The following AP3B1 variants were observed in gnomAD, a reference collection of about 807,000 sequenced individuals.
The protein encoded by AP3B1 is adaptor related protein complex 3 subunit beta 1.
In AP3B1, 61 loss-of-function variants were observed where a neutral mutation model predicts 132.5. That is an observed-to-expected ratio of 0.46 (90% CI 0.37 to 0.57). The LOEUF is 0.57. Ranked by LOEUF, AP3B1 falls within the 20% of genes least tolerant of loss-of-function variation. The probability of loss-of-function intolerance (pLI) is 0.00; values close to 1 mark genes in which losing one functional copy is unlikely to be tolerated. For missense variants in AP3B1, 1,120 were observed against 1,289.4 expected, an observed-to-expected ratio of 0.87 and a Z score of 2.01; for synonymous variants, 388 against 438.3, an observed-to-expected ratio of 0.89 and a Z score of 1.43.
intron 22 of AP3B1, among the ~76,000 whole-genome samples, chr5:78,085,037 C>T (rs751407439): frequency 8.7e-4 from 133 of 152,098 alleles, no homozygotes; most frequent in Non-Finnish European, 1.4e-3. Flanking sequence ...AACAACCATG[C>T]ACATAAATCT....
At chr5:78,237,133 A>G (rs1177398658) in intron 3 of AP3B1, among the ~76,000 whole-genome samples, 1 of 152,226 alleles carries the variant, frequency 6.6e-6, no homozygotes, top group Non-Finnish European at 1.5e-5. Context: ...AATTGAGTTT[A>G]TAAGAACTAT....
intron 3 of AP3B1, among the ~76,000 whole-genome samples, chr5:78,233,783 T>C (rs1458929475): frequency 6.6e-6 from 1 of 152,076 alleles, no homozygotes; most frequent in Non-Finnish European, 1.5e-5. Flanking sequence ...CTCAGAGGTT[T>C]ATATAACTTG....
chr5:78,036,596 C>A (rs1007249031), intron 23 of AP3B1, among the ~76,000 whole-genome samples: 2 of 151,904 alleles, frequency 1.3e-5, no homozygotes, highest in Non-Finnish European at 2.9e-5. Flanking sequence ...TTAAAAAAAA[C>A]CCTCTTATAT....
chr5:78,028,513 C>T (rs867219223), intron 24 of AP3B1, among the ~76,000 whole-genome samples: 14 of 152,068 alleles, frequency 9.2e-5, no homozygotes, highest in Middle Eastern at 6.8e-3. Flanking sequence ...ATGGCGTTTA[C>T]TTGCCTTTCT....
intron 24 of AP3B1, among the ~76,000 whole-genome samples, chr5:78,030,207 C>G (rs1239502988): frequency 6.6e-6 from 1 of 152,068 alleles, no homozygotes; most frequent in Non-Finnish European, 1.5e-5. Flanking sequence ...GTGCAATCAT[C>G]GCGCACTGCA....
intron 22 of AP3B1, among the ~76,000 whole-genome samples, chr5:78,056,710 C>A (rs1371878985): frequency 6.6e-6 from 1 of 152,130 alleles, no homozygotes; most frequent in Non-Finnish European, 1.5e-5. Context: ...CATTTAACAG[C>A]CTTTTAAAGA....
chr5:78,229,418 C>T (rs541477495), intron 3 of AP3B1, among the ~76,000 whole-genome samples: 6 of 152,180 alleles, frequency 3.9e-5, no homozygotes, highest in Middle Eastern at 3.4e-3. Context: ...TTCTAAGATA[C>T]CAACACAGTA....
At chr5:78,102,652 T>C (rs1269489868) in intron 20 of AP3B1, among the ~76,000 whole-genome samples, 1 of 152,016 alleles carries the variant, frequency 6.6e-6, no homozygotes, top group African/African-American at 2.4e-5. Flanking sequence ...AAAGAACATA[T>C]AACAAAAAGA....
chr5:78,201,596 C>G (rs1296570702), intron 7 of AP3B1, among the ~76,000 whole-genome samples: 1 of 152,152 alleles, frequency 6.6e-6, no homozygotes, highest in African/African-American at 2.4e-5. Flanking sequence ...TTATATTAAG[C>G]TCTACAACAA....
chr5:78,141,381 G>T, intron 14 of AP3B1, 62 bp from the exon 15 acceptor site: 1 of 1,386,572 alleles, frequency 7.2e-7, no homozygotes, highest in Non-Finnish European at 1.0e-6. Context: ...TATTAACATA[G>T]AAAAGGTTTT....
chr5:78,185,908 AAG>A (rs1340766233), intron 7 of AP3B1, among the ~76,000 whole-genome samples: 1 of 152,166 alleles, frequency 6.6e-6, no homozygotes, highest in East Asian at 1.9e-4. Context: ...TTAATAAAAA[AAG>A]AGATATATTC....
chr5:78,043,769 G>A, intron 22 of AP3B1: 1 of 381,208 alleles, frequency 2.6e-6, no homozygotes. Context: ...GCACCAAACT[G>A]CCCAATCATG....
chr5:78,242,030 T>A (rs1013428080), intron 2 of AP3B1, among the ~76,000 whole-genome samples: 1 of 152,172 alleles, frequency 6.6e-6, no homozygotes, highest in African/African-American at 2.4e-5. Flanking sequence ...AACTTTTCAG[T>A]CTCCTCTTCC....
At chr5:78,129,341 A>G (rs1561427733) in intron 15 of AP3B1, 34 bp from the exon 16 acceptor site, 2 of 1,503,036 alleles carry the variant, frequency 1.3e-6, no homozygotes, top group Admixed American at 3.3e-5. Context: ...ATGAGAATAC[A>G]GTTATTTATG....
intron 22 of AP3B1, chr5:78,043,045 T>C (rs975324128): frequency 6.4e-6 from 1 of 156,310 alleles, no homozygotes; most frequent in Non-Finnish European, 1.4e-5. Context: ...TTGTTGGTTT[T>C]CTTTTTCTTA....
chr5:78,227,615 T>A, intron 4 of AP3B1, 83 bp from the exon 5 acceptor site: 1 of 1,335,528 alleles, frequency 7.5e-7, no homozygotes, highest in Non-Finnish European at 1.1e-6. Context: ...TAATAGGTGC[T>A]TAAAGGGTGT....
At chr5:78,045,759 C>CA (rs1395714833) in intron 22 of AP3B1, among the ~76,000 whole-genome samples, 5 of 151,708 alleles carry the variant, frequency 3.3e-5, no homozygotes, top group African/African-American at 7.3e-5. Context: ...TTATTAGATG[C>CA]AAAAAAAGAT....
intron 22 of AP3B1, among the ~76,000 whole-genome samples, chr5:78,087,184 TATC>T (rs1453907966): frequency 2.0e-5 from 3 of 152,210 alleles, no homozygotes; most frequent in Non-Finnish European, 4.4e-5. Context: ...AGATGTACTC[TATC>T]ATCTATGAAC....
chr5:78,177,117 A>C (rs746687829), intron 9 of AP3B1, among the ~76,000 whole-genome samples: 1 of 152,188 alleles, frequency 6.6e-6, no homozygotes, highest in Admixed American at 6.5e-5. Context: ...AAATATTTTC[A>C]ATATCTTTGG....
Sources: gnomAD v4.1 joint callset for allele counts (sites outside exome capture counted in the v4.1 genomes callset) on GRCh38, gnomAD v4.1.1 for gene constraint, MANE v1.5 for transcripts, NCBI Gene and HGNC (gene_info 2026-07-23, HGNC 2026-07-21) for gene names.